SGCZ: variants seen among roughly 807,000 people sequenced by gnomAD.
SGCZ encodes zeta-sarcoglycan.
A neutral mutation model predicts 41.3 loss-of-function variants in SGCZ; 40 were observed. That is an observed-to-expected ratio of 0.97 (90% CI 0.75 to 1.26). The LOEUF (loss-of-function observed/expected upper bound fraction) is 1.26. Among genes scored for constraint, SGCZ ranks in the 50% most tolerant of loss-of-function variants. SGCZ has a pLI of 0.00. For missense variants in SGCZ, 552 were observed against 369.8 expected (o/e 1.49, Z -4.04); for synonymous variants, 206 against 137.5 (o/e 1.50, Z -3.49).
At chr8:14,266,103 G>C (rs751115985) in intron 3 of SGCZ, among the ~76,000 whole-genome samples, 13 of 152,018 alleles carry the variant, frequency 8.6e-5, no homozygotes, top group Non-Finnish European at 1.5e-4. Flanking sequence ...GGAAACATAT[G>C]ATTATCCGAG....
chr8:15,062,033 G>A (rs922007412), intron 1 of SGCZ, among the ~76,000 whole-genome samples: 9 of 152,116 alleles, frequency 5.9e-5, no homozygotes, highest in African/African-American at 1.7e-4. Flanking sequence ...CAGATACTCT[G>A]CTGCACCAGA....
intron 1 of SGCZ, among the ~76,000 whole-genome samples, chr8:14,773,899 T>C (rs754912149): frequency 6.6e-6 from 1 of 152,168 alleles, no homozygotes; most frequent in African/African-American, 2.4e-5. Flanking sequence ...AATATAATGT[T>C]TTTAAATTTT....
intron 1 of SGCZ, among the ~76,000 whole-genome samples, chr8:14,619,244 T>C (rs533288857): frequency 6.6e-6 from 1 of 152,240 alleles, no homozygotes; most frequent in African/African-American, 2.4e-5. Context: ...TCAACAACCT[T>C]CATGCTAAAA....
At chr8:14,845,568 G>T (rs1048059945) in intron 1 of SGCZ, among the ~76,000 whole-genome samples, 85 of 152,246 alleles carry the variant, frequency 5.6e-4, no homozygotes, top group African/African-American at 1.9e-3. Flanking sequence ...GTTAGAATTT[G>T]TAGACAGAAA....
intron 1 of SGCZ, among the ~76,000 whole-genome samples, chr8:14,987,412 T>C (rs969370706): frequency 2.6e-5 from 4 of 151,982 alleles, no homozygotes; most frequent in African/African-American, 9.7e-5. Context: ...CCTGTTATTG[T>C]TTGTGATGCA....
intron 1 of SGCZ, among the ~76,000 whole-genome samples, chr8:14,990,524 C>T (rs968000273): frequency 6.6e-6 from 1 of 152,050 alleles, no homozygotes; most frequent in Non-Finnish European, 1.5e-5. Context: ...ACTGAGCATG[C>T]AAGGGATCTA....
At chr8:14,532,563 C>T (rs1218812171) in intron 2 of SGCZ, among the ~76,000 whole-genome samples, 3 of 151,652 alleles carry the variant, frequency 2.0e-5, no homozygotes, top group Non-Finnish European at 4.4e-5. Flanking sequence ...TTTGTGGGAG[C>T]AAGTGGAATA....
intron 1 of SGCZ, among the ~76,000 whole-genome samples, chr8:14,857,334 G>GA (rs1554512588): frequency 1.3e-5 from 2 of 151,962 alleles, no homozygotes; most frequent in Non-Finnish European, 2.9e-5. Flanking sequence ...TTATAGCAGT[G>GA]AAAAAACGAA....
At chr8:14,412,546 C>G (rs1018726253) in intron 2 of SGCZ, among the ~76,000 whole-genome samples, 2 of 152,078 alleles carry the variant, frequency 1.3e-5, no homozygotes, top group South Asian at 2.1e-4. Flanking sequence ...AATAATTCAT[C>G]TAGTCATCAG....
intron 1 of SGCZ, among the ~76,000 whole-genome samples, chr8:15,020,080 T>C (rs573973681): frequency 3.6e-4 from 55 of 152,090 alleles, no homozygotes; most frequent in South Asian, 2.3e-3. Flanking sequence ...TCAATATCAC[T>C]GTACTTTTAA....
At chr8:14,996,091 G>C (rs12680718) in intron 1 of SGCZ, among the ~76,000 whole-genome samples, 45,871 of 151,796 alleles carry the variant, frequency 0.3, 7,101 homozygotes, top group East Asian at 0.39. Flanking sequence ...TTTTAGTAGA[G>C]ACGGGGTTTC....
chr8:14,314,752 A>T (rs77380350), intron 3 of SGCZ, among the ~76,000 whole-genome samples: 195 of 152,292 alleles, frequency 1.3e-3, no homozygotes, highest in East Asian at 0.012. Flanking sequence ...TTGTATTTAC[A>T]TATTTTCCTC....
intron 1 of SGCZ, among the ~76,000 whole-genome samples, chr8:15,146,190 CA>C (rs570747320): frequency 3.8e-4 from 57 of 151,296 alleles, no homozygotes; most frequent in Admixed American, 3.1e-3. Context: ...AAAAGTCATA[CA>C]AAAAAAAGAA....
At position 15,127,254 on chromosome 8, in the gene SGCZ, ACAAACAAACACACACACAC is replaced by A. The variant is rs1807735508; in HGVS notation, c.39+110312_39+110330del. 1.3e-3 allele frequency among the ~76,000 whole-genome samples: 9 copies of A among 6,884 alleles called. No homozygotes were observed. In the South Asian group the frequency reaches 0.1, roughly 79 times the overall value. The allele number at this position is 6,884 out of a possible 152,430, so 4.5% of individuals were successfully genotyped here. The stretch of plus-strand genomic sequence containing the variant: ...TAGGCACACACACACACACACACAC[ACAAACAAACACACACACAC>A]ACACACACACACACATATACATACA... On this transcript the variant is annotated intron_variant, in intron 1 of 7. Coordinates refer to ENST00000382080, the MANE Select transcript of SGCZ (RefSeq NM_139167.4).
At chr8:14,305,877 C>T (rs575983763) in intron 3 of SGCZ, among the ~76,000 whole-genome samples, 3 of 152,178 alleles carry the variant, frequency 2.0e-5, no homozygotes, top group African/African-American at 7.2e-5. Flanking sequence ...GACTCACTCT[C>T]TATTGCCGCT....
intron 1 of SGCZ, among the ~76,000 whole-genome samples, chr8:14,726,252 G>C (rs1458623446): frequency 8.0e-6 from 1 of 124,912 alleles, no homozygotes; most frequent in Admixed American, 8.6e-5. Context: ...AAAAGAGTGA[G>C]ACTCTGTCTC....
At chr8:14,440,508 G>C (rs749865641) in intron 2 of SGCZ, among the ~76,000 whole-genome samples, 1 of 151,280 alleles carries the variant, frequency 6.6e-6, no homozygotes, top group Non-Finnish European at 1.5e-5. Context: ...TTAACTCTTA[G>C]GTTTTTATTT....
In SGCZ at chr8:14,402,660, G is replaced by C. The variant is rs1459044867; in HGVS notation, c.235-78456C>G. ...TCCATTGATCTATATCTCTGTTTTGGTACCAGTACCACGGTGTTTTGGTTA... is the reference window on the plus strand; with the variant it reads ...TCCATTGATCTATATCTCTGTTTTGCTACCAGTACCACGGTGTTTTGGTTA... On this transcript the variant is annotated intron_variant, in intron 2 of 7. Transcript: ENST00000382080. Among the ~76,000 whole-genome samples the C allele has an allele frequency of 1.4e-5, 2 of 142,620 alleles. 1 individual carries two copies. The highest frequency in any genetic ancestry group is 3.0e-5 in the Non-Finnish European group (2 of 67,648). The allele number at this position is 142,620 out of a possible 152,430, so 93.6% of individuals were successfully genotyped here.
At chr8:14,776,543 G>C (rs1466950364) in intron 1 of SGCZ, among the ~76,000 whole-genome samples, 2 of 137,472 alleles carry the variant, frequency 1.5e-5, no homozygotes, top group African/African-American at 5.4e-5. Flanking sequence ...TTTTGAGATG[G>C]AGTCTCGGTC....
Sources: allele counts gnomAD v4.1 joint callset (sites outside exome capture counted in the v4.1 genomes callset), GRCh38; gene constraint gnomAD v4.1.1; transcripts MANE v1.5; gene names NCBI Gene and HGNC (gene_info 2026-07-23, HGNC 2026-07-21).